The following GLI2 variants were observed in gnomAD, a reference collection of about 807,000 sequenced individuals.
GLI2 encodes the protein GLI family zinc finger 2, also known as transcription activator GLI2.
A neutral mutation model predicts 78.9 loss-of-function variants in GLI2; 22 were observed. That is an observed-to-expected ratio of 0.28 (90% CI 0.20 to 0.40). The LOEUF is 0.40. GLI2 is among the 10% of genes least tolerant of loss of function. GLI2 has a pLI of 1.00. For synonymous variants in GLI2, 974 were observed against 963.7 expected (o/e 1.01, Z -0.20); for missense variants, 2,097 against 2,213.2 (o/e 0.95, Z 1.05).
chr2:120,886,159 AGTGTGTGTGTGTGT>A (rs532891541), intron 2 of GLI2, among the ~76,000 whole-genome samples: 3,267 of 116,760 alleles, frequency 0.028, 80 homozygotes, highest in South Asian at 0.039. Context: ...ATTTTTCCAA[AGTGTGTGTGTGTGT>A]GTGTGTGTGT....
At chr2:120,906,317 G>A (rs1678530162) in intron 2 of GLI2, among the ~76,000 whole-genome samples, 2 of 152,300 alleles carry the variant, frequency 1.3e-5, no homozygotes, top group Admixed American at 6.5e-5. Context: ...CATCAGGCCC[G>A]GAGCCCAGGG....
intron 1 of GLI2, among the ~76,000 whole-genome samples, chr2:120,736,560 C>T (rs1573540491): frequency 1.3e-5 from 2 of 151,766 alleles, no homozygotes; most frequent in East Asian, 4.0e-4. Context: ...CCTCTCCCTA[C>T]CTGGGGGAGA....
intron 2 of GLI2, among the ~76,000 whole-genome samples, chr2:120,920,701 A>G (rs1009585713): frequency 9.8e-6 from 1 of 102,276 alleles, no homozygotes; most frequent in Admixed American, 1.2e-4. Flanking sequence ...GTGTAGGATC[A>G]AAAACAAATG....
chr2:120,989,557 G>A lies in GLI2; in HGVS notation c.3592G>A (p.Gly1198Ser), dbSNP rs149554935. 3.0e-5 allele frequency: 49 copies of A among 1,612,952 alleles called. No individual in the cohort carries two copies. The African/African-American group carries it at 4.4e-4, about 14-fold the overall frequency. The change falls in exon 14 of 14, where the codon GGC becomes AGC. Residue 1198 changes from glycine to serine, a missense_variant. Physicochemically the swap from Gly to Ser is moderately conservative, Grantham distance 56 (BLOSUM62 0). Coordinates refer to ENST00000361492, the MANE Select transcript of GLI2 (RefSeq NM_001374353.1). ...LQPRSGAPSQ[G>S]IPRVNYMQQL... ...GCCCCGCAGCGGAGCCCCCTCCCAG[G>A]GCATCCCCAGGGTAAACTACATGCA...
Position 120,990,213 on chromosome 2 carries a change from G to A in GLI2, c.4248G>A (p.Pro1416=), listed in dbSNP as rs373445921. The A allele has an allele frequency of 6.8e-5, 109 of 1,613,340 alleles. No individual in the cohort carries two copies. Among genetic ancestry groups the A allele is most frequent in the Non-Finnish European group, 9.0e-5 (106 of 1,179,988 alleles). The stretch of plus-strand genomic sequence containing the variant: ...GGTCGGTGCCTCCCCAGCCGCCTCC[G>A]CAGGACGCAGGTGGGGCCCCGGACC... ...NMGSVPPQPP[P]QDAGGAPDHS... Residue 1416 remains proline, a synonymous_variant, in exon 14 of 14, where the codon CCG becomes CCA. Transcript: ENST00000361492.
intron 3 of GLI2, among the ~76,000 whole-genome samples, chr2:120,947,053 T>A (rs1680742924): frequency 6.6e-6 from 1 of 152,186 alleles, no homozygotes; most frequent in Admixed American, 6.5e-5. Context: ...TTGTATGTGA[T>A]GACCTGGTAG....
chr2:120,753,968 T>C (rs1682964100), intron 1 of GLI2, among the ~76,000 whole-genome samples: 1 of 151,886 alleles, frequency 6.6e-6, no homozygotes, highest in Admixed American at 6.6e-5. Flanking sequence ...GTTACAAACA[T>C]TTTTTTCTTG....
At chr2:120,856,785 G>A (rs1008047276) in intron 2 of GLI2, among the ~76,000 whole-genome samples, 9 of 152,286 alleles carry the variant, frequency 5.9e-5, no homozygotes, top group Admixed American at 6.5e-5. Flanking sequence ...CCTCAGGGGC[G>A]TCTGAAGAAG....
chr2:120,770,110 T>C (rs1683480445), intron 1 of GLI2, among the ~76,000 whole-genome samples: 1 of 152,110 alleles, frequency 6.6e-6, no homozygotes, highest in Non-Finnish European at 1.5e-5. Context: ...GGGATCCAAA[T>C]CACAAAGAAT....
intron 2 of GLI2, among the ~76,000 whole-genome samples, chr2:120,855,185 A>C (rs1687588865): frequency 6.6e-6 from 1 of 152,210 alleles, no homozygotes; most frequent in African/African-American, 2.4e-5. Context: ...GGAAGAGGCT[A>C]CAGGAAGGAG....
intron 2 of GLI2, among the ~76,000 whole-genome samples, chr2:120,860,500 G>C (rs555661498): frequency 6.6e-6 from 1 of 152,226 alleles, no homozygotes; most frequent in South Asian, 2.1e-4. Flanking sequence ...GCTCCCTTTC[G>C]AGATTCTGGG....
intron 2 of GLI2, among the ~76,000 whole-genome samples, chr2:120,841,889 G>GTGTGTGTGTGTGTGTGTGTGTGTGTGTGT (rs1558827926): frequency 6.7e-6 from 1 of 149,964 alleles, no homozygotes; most frequent in African/African-American, 2.5e-5. Flanking sequence ...GTGTGTGTGT[G>GTGTGTGTGTGTGTGTGTGTGTGTGTGTGT]ATGCTGGGCT....
chr2:120,793,976 T>C (rs551414997), intron 1 of GLI2, among the ~76,000 whole-genome samples: 16 of 152,238 alleles, frequency 1.1e-4, no homozygotes, highest in Non-Finnish European at 2.2e-4. Flanking sequence ...CTGAAGTGAA[T>C]AGGTGGGGTT....
intron 1 of GLI2, among the ~76,000 whole-genome samples, chr2:120,753,229 G>T (rs1682932261): frequency 6.6e-6 from 1 of 151,788 alleles, no homozygotes; most frequent in African/African-American, 2.4e-5. Context: ...CCAAGTAGCT[G>T]GGATTATAGG....
intron 2 of GLI2, among the ~76,000 whole-genome samples, chr2:120,828,635 C>T (rs1686200218): frequency 6.6e-6 from 1 of 152,170 alleles, no homozygotes; most frequent in South Asian, 2.1e-4. Context: ...TCCTCCAGTT[C>T]AGTGCCTTGG....
chr2:120,839,346 A>G (rs922474816), intron 2 of GLI2, among the ~76,000 whole-genome samples: 1 of 152,132 alleles, frequency 6.6e-6, no homozygotes, highest in Non-Finnish European at 1.5e-5. Flanking sequence ...AAAAATTACT[A>G]ATTCAGTTTA....
rs1022230526 is a variant in GLI2 at position 120,767,815 on chromosome 2, C to T, written c.-30-29476C>T. On this transcript the variant is annotated intron_variant, in intron 1 of 13. Coordinates refer to ENST00000361492, the MANE Select transcript of GLI2 (RefSeq NM_001374353.1). Reference sequence around the variant, plus strand: ...TTGGCAAGTTCTTTGCCTGTCTGTGCCTCTTGTCTTCATCTGGAAAAGCAG... The same window carrying T: ...TTGGCAAGTTCTTTGCCTGTCTGTGTCTCTTGTCTTCATCTGGAAAAGCAG... 2.6e-5 allele frequency among the ~76,000 whole-genome samples: 4 copies of T among 152,238 alleles called. No homozygotes were observed. The South Asian group carries it at 6.2e-4, about 24-fold the overall frequency.
intron 1 of GLI2, among the ~76,000 whole-genome samples, chr2:120,741,736 A>T (rs952147796): frequency 2.6e-5 from 4 of 151,936 alleles, no homozygotes; most frequent in African/African-American, 7.2e-5. Context: ...GCCGGGGGAC[A>T]TTCCGTGCCC....
intron 5 of GLI2, among the ~76,000 whole-genome samples, chr2:120,956,801 G>A (rs1681287507): frequency 6.6e-6 from 1 of 152,098 alleles, no homozygotes; most frequent in East Asian, 1.9e-4. Context: ...GTGGGCTGGT[G>A]GGAAATCATG....
Sources: gnomAD v4.1 joint callset for allele counts (sites outside exome capture counted in the v4.1 genomes callset) on GRCh38, gnomAD v4.1.1 for gene constraint, MANE v1.5 for transcripts, NCBI Gene and HGNC (gene_info 2026-07-23, HGNC 2026-07-21) for gene names.